The following TSFM variants were observed in gnomAD, a reference collection of about 807,000 sequenced individuals.
TSFM encodes the protein Ts translation elongation factor, mitochondrial, also known as elongation factor Ts, mitochondrial.
In TSFM, 29 loss-of-function variants were observed where a neutral mutation model predicts 33.4. That is an observed-to-expected ratio of 0.87 (90% CI 0.65 to 1.18). The LOEUF (loss-of-function observed/expected upper bound fraction) is 1.18. Ranked by LOEUF, TSFM falls within the 50% of genes most tolerant of loss-of-function variation. The pLI, the probability that TSFM is intolerant of heterozygous loss-of-function variation, is 0.00. For missense variants in TSFM, 394 were observed against 395.6 expected, an observed-to-expected ratio of 1.00 and a Z score of 0.04; for synonymous variants, 178 against 163.5, an observed-to-expected ratio of 1.09 and a Z score of -0.68.
chr12:57,786,035 A>G lies in TSFM; in HGVS notation c.232-128A>G, dbSNP rs141547230. The G allele has an allele frequency of 2.3e-4, 273 of 1,200,298 alleles. 1 individual carries two copies. The African/African-American group carries it at 3.9e-3, about 17-fold the overall frequency. 74.4% of individuals were successfully genotyped at this position (1,200,298 alleles called of 1,614,324 possible). ...TGGCATTTAGTGGTAGACTGCCAGT[A>G]AATGATAGATTACTTTAGTTTCTGT... is the stretch of plus-strand genomic sequence containing the variant. On this transcript the variant is annotated intron_variant, in intron 2 of 5. Coordinates refer to ENST00000652027, the MANE Select transcript of TSFM (RefSeq NM_005726.6).
chr12:57,793,148 G>A (rs1955686695), intron 5 of TSFM, 75 bp downstream of exon 5: 2 of 1,322,836 alleles, frequency 1.5e-6, no homozygotes, highest in East Asian at 4.7e-5. Flanking sequence ...TCCAAATCTA[G>A]GTCAAGAATC....
At position 57,783,181 on chromosome 12, in the gene TSFM, G is replaced by A. The variant is rs1227559131; in HGVS notation, c.129G>A (p.Ser43=). 6.2e-7 allele frequency: 1 copy of A among 1,613,532 alleles called. No homozygotes were observed. The highest frequency in any genetic ancestry group is 1.7e-5 in the Admixed American group (1 of 60,006). The change falls in exon 2 of 6, where the codon TCG becomes TCA. Residue 43 remains serine (S), a synonymous_variant. Coordinates refer to ENST00000652027, the MANE Select transcript of TSFM (RefSeq NM_005726.6). ...ATGCTGGGCCCCGTCTGTCTGCCTC[G>A]GCCTCCAGCAAGGAGCTCCTCATGA... The part of the protein sequence containing the change: ...TFYAGPRLSA[S]ASSKELLMKL...
At position 57,787,020 on chromosome 12, in the gene TSFM, A is replaced by C; in HGVS notation, c.361-20A>C. 6.2e-7 allele frequency: 1 copy of C among 1,612,028 alleles called. No individual in the cohort carries two copies. On this transcript the variant is annotated intron_variant, in intron 3 of 5. Coordinates refer to ENST00000652027, the MANE Select transcript of TSFM (RefSeq NM_005726.6). Reference sequence around the variant, plus strand: ...TTATCATTAAACAGCTTATACAGCTATATCAATTTGTTCCCACAGGTAAAC... The same window carrying C: ...TTATCATTAAACAGCTTATACAGCTCTATCAATTTGTTCCCACAGGTAAAC...
downstream of TSFM, among the ~76,000 whole-genome samples, chr12:57,801,748 GAA>G (rs1178752883): frequency 6.8e-6 from 1 of 147,170 alleles, no homozygotes; most frequent in Non-Finnish European, 1.5e-5. Context: ...CTCAAAAAAA[GAA>G]AAAAAAAAGT....
At chr12:57,783,334 TC>T (rs1955540055) in intron 2 of TSFM, 51 bp downstream of exon 2, 1 of 1,608,700 alleles carries the variant, frequency 6.2e-7, no homozygotes, top group African/African-American at 1.3e-5. Flanking sequence ...GACCTCAGAC[TC>T]TTGGGGCGGT....
chr12:57,784,487 C>G (rs1304544867), intron 2 of TSFM, among the ~76,000 whole-genome samples: 2 of 152,126 alleles, frequency 1.3e-5, no homozygotes, highest in Non-Finnish European at 2.9e-5. Flanking sequence ...TTTTTGGACT[C>G]TTTTGTAATA....
At position 57,782,943 on chromosome 12, in the gene TSFM, T is replaced by G. The variant is rs1955532095; in HGVS notation, c.57+85T>G. On this transcript the variant is annotated intron_variant, in intron 1 of 5. Transcript: ENST00000652027. ...ACCTTTCCCTTCCTCCCAACCTCGT[T>G]TGACTCCATCTCACCTTCCCCGACA... 7 of 1,499,392 alleles carry G rather than the reference T, an allele frequency of 4.7e-6. No homozygotes were observed. In the African/African-American group the frequency reaches 8.3e-5, roughly 18 times the overall value. 92.9% of individuals were successfully genotyped at this position (1,499,392 alleles called of 1,614,324 possible).
At chr12:57,788,100 C>T (rs1428729811) in intron 4 of TSFM, among the ~76,000 whole-genome samples, 1 of 152,052 alleles carries the variant, frequency 6.6e-6, no homozygotes, top group Non-Finnish European at 1.5e-5. Context: ...CTTTTTTTAT[C>T]TTCTTTATCC....
At chr12:57,789,452 C>A (rs552858825) in intron 4 of TSFM, among the ~76,000 whole-genome samples, 2 of 152,300 alleles carry the variant, frequency 1.3e-5, no homozygotes, top group South Asian at 4.1e-4. Context: ...CAACCTTCAC[C>A]TCCTGGGTTC....
intron 5 of TSFM, among the ~76,000 whole-genome samples, chr12:57,793,511 C>T (rs557700424): frequency 3.8e-4 from 58 of 152,304 alleles, no homozygotes; most frequent in African/African-American, 1.2e-3. Context: ...CGTGAGCCAC[C>T]GCGCCCGGCC....
chr12:57,798,239 G>A (rs1183556981), downstream of TSFM, among the ~76,000 whole-genome samples: 1 of 152,232 alleles, frequency 6.6e-6, no homozygotes, highest in Non-Finnish European at 1.5e-5. Context: ...GTGCCAGCAA[G>A]CGCCAGTTTC....
At chr12:57,802,410 A>G (rs1459882152), downstream of TSFM, 1 of 1,510,454 alleles carries the variant, frequency 6.6e-7, no homozygotes, top group Non-Finnish European at 9.0e-7. Context: ...GTACTAGATC[A>G]TACACATTAC....
chr12:57,802,849 CTCCACTGCCCTTA>C, downstream of TSFM: 1 of 558,726 alleles, frequency 1.8e-6, no homozygotes, highest in Non-Finnish European at 3.1e-6. Context: ...TCCATCCCTA[CTCCACTGCCCTTA>C]TGTGGGCCCA....
chr12:57,789,033 G>A (rs568417835), intron 4 of TSFM, among the ~76,000 whole-genome samples: 1 of 144,876 alleles, frequency 6.9e-6, no homozygotes, highest in Non-Finnish European at 1.5e-5. Flanking sequence ...GTGCCATCTC[G>A]CTCACTGCAA....
chr12:57,801,893 C>A (rs955515060), downstream of TSFM, among the ~76,000 whole-genome samples: 9 of 152,122 alleles, frequency 5.9e-5, no homozygotes, highest in African/African-American at 1.2e-4. Context: ...TTGTAAAGAT[C>A]AAAAAGATGA....
chr12:57,785,797 A>G (rs994066042), intron 2 of TSFM, among the ~76,000 whole-genome samples: 7 of 152,214 alleles, frequency 4.6e-5, no homozygotes, highest in Non-Finnish European at 7.3e-5. Context: ...ATGTTGCCCT[A>G]CAATGTTAGG....
chr12:57,797,971 C>CA, downstream of TSFM: 4 of 1,612,684 alleles, frequency 2.5e-6, no homozygotes, highest in Non-Finnish European at 3.4e-6. Context: ...AACACAGACA[C>CA]AAAGTCCTGT....
rs878873922 is a variant in TSFM at position 57,796,943 on chromosome 12, CTG to C, written c.*363_*364del. On this transcript the variant is annotated 3_prime_UTR_variant, in exon 6 of 6. Coordinates refer to ENST00000652027, the MANE Select transcript of TSFM (RefSeq NM_005726.6). ...TTTGTTCTGTTTTTGCTTTGCGACA[CTG>C]TGAACCGTGCTTCTGCCTCGGAACC... The C allele has an allele frequency of 2.3e-5, 23 of 991,488 alleles. No homozygotes were observed. In the South Asian group the frequency reaches 4.2e-4, roughly 18 times the overall value. The allele number at this position is 991,488 out of a possible 1,614,324, so 61.4% of individuals were successfully genotyped here. A position where few individuals can be genotyped will look rare whatever the true frequency, so the allele number is the denominator to read the frequency against.
intron 1 of TSFM, 24 bp downstream of exon 1, chr12:57,782,882 C>T (rs1343804212): frequency 1.3e-6 from 2 of 1,579,106 alleles, no homozygotes; most frequent in Non-Finnish European, 1.7e-6. Flanking sequence ...GTGCTGGTAC[C>T]GACCTGCTGT....
Sources: allele counts gnomAD v4.1 joint callset (sites outside exome capture counted in the v4.1 genomes callset), GRCh38; gene constraint gnomAD v4.1.1; transcripts MANE v1.5; gene names NCBI Gene and HGNC (gene_info 2026-07-23, HGNC 2026-07-21).